STAP2: variants seen among roughly 807,000 people sequenced by gnomAD.
STAP2 encodes the protein signal-transducing adaptor protein 2.
STAP2 carries 58 observed loss-of-function variants against 52.7 expected under a neutral mutation model. The observed-to-expected ratio is 1.10, with a 90% CI of 0.89 to 1.37. The LOEUF (loss-of-function observed/expected upper bound fraction) is 1.37, where lower values mean the gene tolerates loss of function less well. STAP2 is among the 40% of genes most tolerant of loss of function. STAP2 has a pLI of 0.00. For missense variants in STAP2, 522 were observed against 519.4 expected, an observed-to-expected ratio of 1.00 and a Z score of -0.05; for synonymous variants, 231 against 210.5, an observed-to-expected ratio of 1.10 and a Z score of -0.84.
chr19:4,328,877 GCCT>G (rs1971842550), intron 5 of STAP2, 68 bp from the exon 6 acceptor site: 1 of 1,560,276 alleles, frequency 6.4e-7, no homozygotes, highest in African/African-American at 1.3e-5. Context: ...CGTAAACCCT[GCCT>G]CCTCTGAGAC....
At chr19:4,336,162 C>T (rs1439667059) in intron 1 of STAP2, among the ~76,000 whole-genome samples, 5 of 151,934 alleles carry the variant, frequency 3.3e-5, no homozygotes, top group Non-Finnish European at 7.4e-5. Flanking sequence ...CAAGTGCGCA[C>T]CACCACATCC....
At position 4,338,757 on chromosome 19, in the gene STAP2, G is replaced by T. The variant is rs369864690; in HGVS notation, c.-4C>A. ...GTGGCCTCAGGGCAGAGGCCATGAC[G>T]GAGCCAGGGTCTTCCGCCTGGCCTC... is the stretch of plus-strand genomic sequence containing the variant. On this transcript the variant is annotated 5_prime_UTR_variant, in exon 1 of 13. Transcript: ENST00000594605. 26 of 1,608,282 alleles carry T rather than the reference G, an allele frequency of 1.6e-5. No homozygotes were observed. The Admixed American group carries it at 3.2e-4, about 20-fold the overall frequency.
In STAP2 at chr19:4,332,044, C is replaced by G; in HGVS notation, c.332G>C (p.Gly111Ala). 6 of 1,613,212 alleles carry G rather than the reference C, an allele frequency of 3.7e-6. No individual in the cohort carries two copies. Among genetic ancestry groups the G allele is most frequent in the Non-Finnish European group, 5.1e-6 (6 of 1,179,808 alleles). Residue 111 changes from glycine to alanine, a missense_variant, in exon 4 of 13, where the codon GGC becomes GCC. Physicochemically the swap from Gly to Ala is moderately conservative, Grantham distance 60. Transcript: ENST00000594605. ...TACCTCCACCACCGTTAAGATGAAG[C>G]CTTTCCACATTTCCCGACACTCCAA... ...ETLECREMWK[G>A]FILTVVELRV...
In STAP2 at chr19:4,333,692, A is replaced by G. The variant is rs567684237; in HGVS notation, c.297+2T>C. On this transcript the variant is annotated splice_donor_variant, in intron 3 of 12. Transcript: ENST00000594605. LOFTEE classifies it high-confidence loss of function. ...TCTGCACCCCTCCAGCAAGGGACCT[A>G]CCTTGAACTTGATCTCCTGATCCCG... 4 of 1,611,504 alleles carry G rather than the reference A, an allele frequency of 2.5e-6. No homozygotes were observed. The highest frequency in any genetic ancestry group is 1.3e-5 in the African/African-American group (1 of 74,934).
chr19:4,332,010 C>G lies in STAP2; in HGVS notation c.354+12G>C. On this transcript the variant is annotated intron_variant, in intron 4 of 12. Transcript: ENST00000594605. ...GAATGGGAGAGAGGGCGCAGAGAGC[C>G]ACTACTCTTACCTCCACCACCGTTA... is the stretch of plus-strand genomic sequence containing the variant. 1 of 1,611,590 alleles carries G rather than the reference C, an allele frequency of 6.2e-7. No individual in the cohort carries two copies. Among genetic ancestry groups the G allele is most frequent in the African/African-American group, 1.3e-5 (1 of 74,794 alleles).
chr19:4,328,728 G>C lies in STAP2; in HGVS notation c.537C>G (p.Pro179=), dbSNP rs1297765888. ...YPECGNLLLR[P]SGDGADGVSV... is the part of the protein sequence containing the mutation. ...ACACGCCGTCGGCGCCGTCCCCGCT[G>C]GGCCGCAGCAGCAGGTTCCCGCACT... The change falls in exon 6 of 13, where the codon CCC becomes CCG. Residue 179 remains proline (P), a synonymous_variant. Coordinates refer to ENST00000594605, the MANE Select transcript of STAP2 (RefSeq NM_001013841.2). The C allele has an allele frequency of 1.2e-6, 2 of 1,608,862 alleles. No individual in the cohort carries two copies. Among genetic ancestry groups the C allele is most frequent in the Admixed American group, 1.7e-5 (1 of 59,636 alleles).
chr19:4,324,302 G>A (rs1971746737), intron 12 of STAP2, 105 bp from the exon 13 acceptor site: 2 of 1,344,234 alleles, frequency 1.5e-6, no homozygotes, highest in South Asian at 2.5e-5. Context: ...AGGGCCCCGT[G>A]CAACAGGACA....
chr19:4,325,163 G>A, intron 11 of STAP2, 53 bp downstream of exon 11: 1 of 1,471,886 alleles, frequency 6.8e-7, no homozygotes, highest in Non-Finnish European at 9.3e-7. Context: ...GTCAGATGAG[G>A]GCTGAGGCTG....
chr19:4,333,180 A>C (rs1358250675), intron 3 of STAP2, among the ~76,000 whole-genome samples: 5 of 151,146 alleles, frequency 3.3e-5, no homozygotes, highest in Non-Finnish European at 2.9e-5. Flanking sequence ...ATAAGAGCGA[A>C]ACTCAAAAAA....
At chr19:4,329,357 G>A (rs997764324) in intron 5 of STAP2, among the ~76,000 whole-genome samples, 1 of 151,404 alleles carries the variant, frequency 6.6e-6, no homozygotes, top group Non-Finnish European at 1.5e-5. Context: ...CTCCCGCCTC[G>A]ACCTCCCAAA....
chr19:4,327,252 G>A (rs1172099634), intron 7 of STAP2, 26 bp from the exon 8 acceptor site: 3 of 1,613,812 alleles, frequency 1.9e-6, no homozygotes, highest in South Asian at 1.1e-5. Context: ...GGAGCGGTCA[G>A]GCTGCTGGAG....
intron 1 of STAP2, among the ~76,000 whole-genome samples, chr19:4,334,708 C>G (rs1171674893): frequency 6.9e-6 from 1 of 145,736 alleles, no homozygotes; most frequent in African/African-American, 2.6e-5. Context: ...CATTCATCAT[C>G]CATCCATCCA....
In STAP2 at chr19:4,329,110, C is replaced by G. The variant is rs183774155; in HGVS notation, c.456-301G>C. On this transcript the variant is annotated intron_variant, in intron 5 of 12. Transcript: ENST00000594605. ...CCGCCTCCCGGGTTCAAGCGATTCC[C>G]CTTCCTCACAGGCCCGGCTAATTTT... The G allele has an allele frequency of 1.5e-4, 57 of 368,056 alleles. No individual in the cohort carries two copies. The Admixed American group carries it at 2.5e-3, about 16-fold the overall frequency. The allele number at this position is 368,056 out of a possible 1,614,324, so 22.8% of individuals were successfully genotyped here. A position where few individuals can be genotyped will look rare whatever the true frequency, so the allele number is the denominator to read the frequency against.
At position 4,328,768 on chromosome 19, in the gene STAP2, A is replaced by C; in HGVS notation, c.497T>G (p.Leu166Arg). The C allele has an allele frequency of 6.2e-7, 1 of 1,611,080 alleles. No homozygotes were observed. Residue 166 changes from leucine to arginine, a missense_variant, in exon 6 of 13, where the codon CTG becomes CGG. Transcript: ENST00000594605. ...KVSRLEAQLL[L>R]ERYPECGNLL... Reference sequence around the variant, plus strand: ...GTTCCCGCACTCGGGGTAGCGCTCCAGGAGCAGTTGTGCCTCCAGCCGGCT... The same window carrying C: ...GTTCCCGCACTCGGGGTAGCGCTCCCGGAGCAGTTGTGCCTCCAGCCGGCT...
Position 4,329,941 on chromosome 19 carries a change from G to T in STAP2, c.455+20C>A. 1 of 1,601,320 alleles carries T rather than the reference G, an allele frequency of 6.2e-7. No individual in the cohort carries two copies. Among genetic ancestry groups the T allele is most frequent in the African/African-American group, 1.3e-5 (1 of 74,626 alleles). On this transcript the variant is annotated intron_variant, in intron 5 of 12. Coordinates refer to ENST00000594605, the MANE Select transcript of STAP2 (RefSeq NM_001013841.2). ...TCCCGTCCCCATCCTGCAGCCCCTC[G>T]GGACAGGCGGGACACTCACGAGGGT...
chr19:4,332,166 C>A, intron 3 of STAP2, 88 bp from the exon 4 acceptor site: 66 of 788,866 alleles, frequency 8.4e-5, no homozygotes, highest in Middle Eastern at 2.7e-4. Flanking sequence ...GTCCCTGCTT[C>A]AAAGGGCCGT....
intron 1 of STAP2, among the ~76,000 whole-genome samples, chr19:4,335,505 C>G (rs546172298): frequency 6.6e-6 from 1 of 152,154 alleles, no homozygotes; most frequent in South Asian, 2.1e-4. Context: ...CACCATCAAG[C>G]CCGCATGTAT....
intron 6 of STAP2, 39 bp downstream of exon 6, chr19:4,328,636 C>T: frequency 6.4e-7 from 1 of 1,557,640 alleles, no homozygotes; most frequent in East Asian, 2.4e-5. Flanking sequence ...CTCTTCCCAC[C>T]CTCCTCCCAC....
At chr19:4,325,176 C>T (rs983474748) in intron 11 of STAP2, 40 bp downstream of exon 11, 12 of 1,514,786 alleles carry the variant, frequency 7.9e-6, no homozygotes, top group Non-Finnish European at 1.1e-5. Flanking sequence ...TGAGGCTGGC[C>T]TGCCATCAGG....
Sources: allele counts gnomAD v4.1 joint callset (sites outside exome capture counted in the v4.1 genomes callset), GRCh38; gene constraint gnomAD v4.1.1; transcripts MANE v1.5; gene names NCBI Gene and HGNC (gene_info 2026-07-23, HGNC 2026-07-21).